The following JAZF1 variants were observed in gnomAD, a reference collection of about 807,000 sequenced individuals.
The protein encoded by JAZF1 is juxtaposed with another zinc finger protein 1.
In JAZF1, 8 loss-of-function variants were observed where a neutral mutation model predicts 26.4. That is an observed-to-expected ratio of 0.30 (90% CI 0.18 to 0.55). JAZF1 has a LOEUF of 0.55. JAZF1 is among the 20% of genes least tolerant of loss of function. The pLI is 0.94. For synonymous variants in JAZF1, 126 were observed against 122.3 expected (o/e 1.03, Z -0.20); for missense variants, 199 against 322.0 (o/e 0.62, Z 2.92).
At chr7:28,058,085 A>T (rs1395363856) in intron 1 of JAZF1, among the ~76,000 whole-genome samples, 1 of 152,172 alleles carries the variant, frequency 6.6e-6, no homozygotes, top group African/African-American at 2.4e-5. Context: ...TGCTTACAGC[A>T]ATTAGACTTT....
In JAZF1 at chr7:27,855,299, C is replaced by T. The variant is rs545072349; in HGVS notation, c.386-14432G>A. ...GAAAGATCTGAAAGTGACACCCTAACATCACAATTAGAAGAACTACAGAAG... is the reference window on the plus strand; with the variant it reads ...GAAAGATCTGAAAGTGACACCCTAATATCACAATTAGAAGAACTACAGAAG... On this transcript the variant is annotated intron_variant, in intron 3 of 4. Transcript: ENST00000283928. Among the ~76,000 whole-genome samples the T allele has an allele frequency of 5.9e-5, 9 of 152,180 alleles. No homozygotes were observed. The East Asian group carries it at 1.7e-3, about 29-fold the overall frequency.
chr7:27,863,596 A>C (rs2391489), intron 3 of JAZF1, among the ~76,000 whole-genome samples: 76,768 of 152,066 alleles, frequency 0.5, 19,760 homozygotes, highest in African/African-American at 0.6. Context: ...TTCTTCCCCC[A>C]GCACTGGAAT....
intron 2 of JAZF1, among the ~76,000 whole-genome samples, chr7:27,970,899 A>G (rs1785363117): frequency 6.6e-6 from 1 of 152,224 alleles, no homozygotes; most frequent in Admixed American, 6.5e-5. Context: ...AGGCTTCACA[A>G]GTTCGCCAAA....
intron 3 of JAZF1, among the ~76,000 whole-genome samples, chr7:27,872,985 G>A (rs1260852143): frequency 6.6e-6 from 1 of 151,844 alleles, no homozygotes; most frequent in Non-Finnish European, 1.5e-5. Context: ...TTACAGCTGT[G>A]TAAAAAACCA....
intron 1 of JAZF1, among the ~76,000 whole-genome samples, chr7:28,086,372 T>TA (rs1305578638): frequency 1.3e-5 from 2 of 152,220 alleles, no homozygotes; most frequent in African/African-American, 4.8e-5. Flanking sequence ...CTGCCCAAAT[T>TA]AAAGAGGAAG....
chr7:28,020,290 T>C (rs2128372625), intron 1 of JAZF1, among the ~76,000 whole-genome samples: 1 of 152,166 alleles, frequency 6.6e-6, no homozygotes, highest in South Asian at 2.1e-4. Context: ...ACTTGGGACA[T>C]AAGTAGGAGT....
rs1054807910 is a variant in JAZF1 at position 27,840,347 on chromosome 7, CAAAT to C, written c.555+347_555+350del. 6.6e-6 allele frequency among the ~76,000 whole-genome samples: 1 copy of C among 152,202 alleles called. No homozygotes were observed. The highest frequency in any genetic ancestry group is 1.5e-5 in the Non-Finnish European group (1 of 68,030). On this transcript the variant is annotated intron_variant, in intron 4 of 4. Coordinates refer to ENST00000283928, the MANE Select transcript of JAZF1 (RefSeq NM_175061.4). The surrounding 1 kb of genome is among the most constrained non-coding windows in gnomAD (Gnocchi z 5.1). ...GCCATCCGTTGGGGAAGGTGCTTGGCAAATAAAGTAGGTTGACATATTTGATATT... is the reference window on the plus strand; with the variant it reads ...GCCATCCGTTGGGGAAGGTGCTTGGCAAAGTAGGTTGACATATTTGATATT...
chr7:27,929,936 T>TTCTC (rs112011020), intron 2 of JAZF1, among the ~76,000 whole-genome samples: 4,046 of 144,730 alleles, frequency 0.028, 132 homozygotes, highest in African/African-American at 0.074. Flanking sequence ...ATTTTCTGCA[T>TTCTC]TCTCTCTCTC....
chr7:27,997,621 TG>T (rs1241407346), intron 1 of JAZF1, among the ~76,000 whole-genome samples: 1 of 152,180 alleles, frequency 6.6e-6, no homozygotes, highest in Admixed American at 6.5e-5. Context: ...TGGAGTGCAA[TG>T]GTGGAATCAG....
chr7:27,963,561 C>CG lies in JAZF1; in HGVS notation c.188+28347_188+28348insC, dbSNP rs1190445053. Among the ~76,000 whole-genome samples, 13 of 102,818 alleles carry CG rather than the reference C, an allele frequency of 1.3e-4. 1 individual carries two copies. In the East Asian group the frequency reaches 3.7e-3, roughly 29 times the overall value. The allele number at this position is 102,818 out of a possible 152,430, so 67.5% of individuals were successfully genotyped here. On this transcript the variant is annotated intron_variant, in intron 2 of 4. Coordinates refer to ENST00000283928, the MANE Select transcript of JAZF1 (RefSeq NM_175061.4). Reference sequence around the variant, plus strand: ...CAAATGGATCAATGTTTGCAATTCCCCCCCCCCCTTTTTTTTTGGAGACAG... The same window carrying CG: ...CAAATGGATCAATGTTTGCAATTCCCGCCCCCCCCTTTTTTTTTGGAGACAG...
At chr7:28,098,981 T>A (rs1476807356) in intron 1 of JAZF1, among the ~76,000 whole-genome samples, 1 of 152,196 alleles carries the variant, frequency 6.6e-6, no homozygotes, top group Non-Finnish European at 1.5e-5. Context: ...CGGGCCATGA[T>A]AGGCATCCAT....
At chr7:27,950,530 G>A (rs1784992008) in intron 2 of JAZF1, among the ~76,000 whole-genome samples, 1 of 152,176 alleles carries the variant, frequency 6.6e-6, no homozygotes, top group Non-Finnish European at 1.5e-5. Context: ...GTAGGTCTAG[G>A]TAGGCGTACA....
intron 2 of JAZF1, among the ~76,000 whole-genome samples, chr7:27,920,465 A>C (rs540226261): frequency 2.0e-5 from 3 of 152,344 alleles, no homozygotes; most frequent in African/African-American, 7.2e-5. Context: ...GGCTTCAAAA[A>C]TAAGGTCTCA....
intron 3 of JAZF1, among the ~76,000 whole-genome samples, chr7:27,869,074 T>C (rs1388212968): frequency 1.3e-5 from 2 of 152,220 alleles, no homozygotes; most frequent in African/African-American, 4.8e-5. Context: ...AGTTGCAAAC[T>C]TCTCTGCATG....
intron 2 of JAZF1, among the ~76,000 whole-genome samples, chr7:27,958,604 T>C (rs530645856): frequency 3.3e-5 from 5 of 152,196 alleles, no homozygotes; most frequent in African/African-American, 4.8e-5. Flanking sequence ...GCTGTCTACA[T>C]GGCTCCAAGC....
intron 1 of JAZF1, among the ~76,000 whole-genome samples, chr7:27,999,139 G>A (rs1786082129): frequency 6.6e-6 from 1 of 152,186 alleles, no homozygotes; most frequent in African/African-American, 2.4e-5. Flanking sequence ...TATACAGCCT[G>A]CATATCTGTA....
intron 2 of JAZF1, among the ~76,000 whole-genome samples, chr7:27,986,901 C>A (rs1245995278): frequency 6.6e-6 from 1 of 152,182 alleles, no homozygotes. Context: ...GAGTGATCTG[C>A]CCGCCTGGGC....
intron 1 of JAZF1, among the ~76,000 whole-genome samples, chr7:28,110,074 G>A (rs1784617470): frequency 1.3e-5 from 2 of 152,092 alleles, no homozygotes; most frequent in African/African-American, 2.4e-5. Flanking sequence ...GACTCCTGAA[G>A]AGTTAAAATT....
In JAZF1 at chr7:27,831,623, GTGTT is replaced by G. The variant is rs1174195342; in HGVS notation, c.*1173_*1176del. The stretch of plus-strand genomic sequence containing the variant: ...AGGCTCATTTTCCTATTTCAGCAAA[GTGTT>G]TGTTTTATAAAGCTAAACAGACATT... On this transcript the variant is annotated 3_prime_UTR_variant, in exon 5 of 5. Coordinates refer to ENST00000283928, the MANE Select transcript of JAZF1 (RefSeq NM_175061.4). The G allele has an allele frequency of 1.8e-5, 4 of 225,692 alleles. No individual in the cohort carries two copies. Among genetic ancestry groups the G allele is most frequent in the Non-Finnish European group, 3.5e-5 (4 of 113,072 alleles). The allele number at this position is 225,692 out of a possible 1,614,324, so 14.0% of individuals were successfully genotyped here.
Sources: allele counts gnomAD v4.1 joint callset (sites outside exome capture counted in the v4.1 genomes callset), GRCh38; gene constraint gnomAD v4.1.1; non-coding constraint Gnocchi (gnomAD v3.1); transcripts MANE v1.5; gene names NCBI Gene and HGNC (gene_info 2026-07-23, HGNC 2026-07-21).